CDH12: variants seen among roughly 807,000 people sequenced by gnomAD.
CDH12 encodes cadherin-12.
CDH12 carries 41 observed loss-of-function variants against 74.1 expected under a neutral mutation model. The observed-to-expected ratio is 0.55, with a 90% CI of 0.43 to 0.72. The LOEUF (loss-of-function observed/expected upper bound fraction) is 0.72. Ranked by LOEUF, CDH12 falls within the 30% of genes least tolerant of loss-of-function variation. CDH12 has a pLI of 0.00. For synonymous variants in CDH12, 399 were observed against 355.0 expected (o/e 1.12, Z -1.39); for missense variants, 945 against 977.2 (o/e 0.97, Z 0.44).
intron 3 of CDH12, among the ~76,000 whole-genome samples, chr5:22,330,305 T>A (rs1288003708): frequency 6.6e-6 from 1 of 152,034 alleles, no homozygotes; most frequent in Non-Finnish European, 1.5e-5. Context: ...TGGCAGGATA[T>A]TACCTGCTGA....
chr5:22,431,273 C>T (rs1744161459), intron 2 of CDH12, among the ~76,000 whole-genome samples: 1 of 152,062 alleles, frequency 6.6e-6, no homozygotes, highest in African/African-American at 2.4e-5. Context: ...ACAATGGATC[C>T]ATATAAAATG....
intron 1 of CDH12, among the ~76,000 whole-genome samples, chr5:22,605,213 C>A (rs1262819881): frequency 1.3e-5 from 2 of 152,168 alleles, no homozygotes; most frequent in African/African-American, 4.8e-5. Flanking sequence ...ACTGTGCACT[C>A]CGAGGCGTGG....
chr5:22,194,838 AAG>A (rs1486652219), intron 4 of CDH12, among the ~76,000 whole-genome samples: 2 of 152,218 alleles, frequency 1.3e-5, no homozygotes, highest in Non-Finnish European at 2.9e-5. Context: ...GTGATCTCCC[AAG>A]AGACATCAGC....
intron 3 of CDH12, among the ~76,000 whole-genome samples, chr5:22,282,424 C>T (rs894489929): frequency 6.6e-6 from 1 of 152,088 alleles, no homozygotes; most frequent in African/African-American, 2.4e-5. Flanking sequence ...AGCTTCTGCA[C>T]AGCAAAAGAA....
chr5:21,854,485 C>T (rs190888068), intron 7 of CDH12, among the ~76,000 whole-genome samples, 186 bp downstream of exon 7: 18 of 151,832 alleles, frequency 1.2e-4, no homozygotes. Context: ...GTTTATTTTA[C>T]ACAAAGTTCA....
chr5:22,828,583 A>T (rs1474810508), intron 1 of CDH12, among the ~76,000 whole-genome samples: 3 of 152,204 alleles, frequency 2.0e-5, no homozygotes, highest in African/African-American at 4.8e-5. Flanking sequence ...GTGGTGGAAA[A>T]GACCTAAGAA....
At chr5:22,182,966 T>C (rs917053279) in intron 4 of CDH12, among the ~76,000 whole-genome samples, 13 of 151,840 alleles carry the variant, frequency 8.6e-5, no homozygotes, top group African/African-American at 4.8e-5. Flanking sequence ...TGGAGAAGTT[T>C]AGAAGAATAA....
chr5:22,155,953 T>C (rs915403855), intron 4 of CDH12, among the ~76,000 whole-genome samples: 3 of 152,136 alleles, frequency 2.0e-5, no homozygotes, highest in Non-Finnish European at 2.9e-5. Context: ...CAGGGTCTTA[T>C]TACTCTGCTT....
chr5:22,610,236 G>C (rs1293472541), intron 1 of CDH12, among the ~76,000 whole-genome samples: 2 of 152,184 alleles, frequency 1.3e-5, no homozygotes, highest in African/African-American at 4.8e-5. Flanking sequence ...GATGGAAGGA[G>C]ACTAGGTTCT....
intron 1 of CDH12, among the ~76,000 whole-genome samples, chr5:22,542,516 A>G (rs1738151457): frequency 6.6e-6 from 1 of 152,290 alleles, no homozygotes; most frequent in Non-Finnish European, 1.5e-5. Flanking sequence ...ATTAATGATC[A>G]GTTTGTATTT....
At chr5:22,108,031 T>C (rs1744588171) in intron 4 of CDH12, among the ~76,000 whole-genome samples, 1 of 152,222 alleles carries the variant, frequency 6.6e-6, no homozygotes, top group African/African-American at 2.4e-5. Flanking sequence ...ATATAATTTT[T>C]GCAATTAAGA....
chr5:21,948,822 A>G (rs1755694979), intron 6 of CDH12, among the ~76,000 whole-genome samples: 1 of 152,192 alleles, frequency 6.6e-6, no homozygotes, highest in South Asian at 2.1e-4. Flanking sequence ...TGATTGGATC[A>G]TGTGGGCGGT....
intron 4 of CDH12, among the ~76,000 whole-genome samples, chr5:22,164,554 A>T (rs576760012): frequency 9.9e-5 from 15 of 152,174 alleles, no homozygotes; most frequent in South Asian, 4.1e-4. Context: ...GGACCAGAAG[A>T]GTGCAGTTGC....
chr5:22,040,924 C>T (rs902274036), intron 5 of CDH12, among the ~76,000 whole-genome samples: 1 of 151,904 alleles, frequency 6.6e-6, no homozygotes, highest in Non-Finnish European at 1.5e-5. Flanking sequence ...TGTTATAGTA[C>T]TATATAAATC....
intron 2 of CDH12, among the ~76,000 whole-genome samples, chr5:22,483,769 T>TATATATATATATATAAA (rs1554044195): frequency 8.4e-6 from 1 of 118,614 alleles, no homozygotes; most frequent in Non-Finnish European, 1.8e-5. Flanking sequence ...TATATAAATT[T>TATATATATATATATAAA]AATTAATTGG....
intron 11 of CDH12, chr5:21,779,115 G>C (rs183199275): frequency 2.8e-4 from 43 of 151,958 alleles, no homozygotes; most frequent in Non-Finnish European, 5.4e-4. Context: ...ACCAAGAAAA[G>C]CATTGTCTCT....
chr5:22,164,325 GT>G (rs1561179897), intron 4 of CDH12, among the ~76,000 whole-genome samples: 2 of 152,334 alleles, frequency 1.3e-5, no homozygotes, highest in South Asian at 4.1e-4. Context: ...AGTGAATAGT[GT>G]TCAGCTCAAT....
chr5:21,898,117 GAATA>G (rs1235180414), intron 6 of CDH12, among the ~76,000 whole-genome samples: 1 of 151,960 alleles, frequency 6.6e-6, no homozygotes, highest in Non-Finnish European at 1.5e-5. Context: ...GAAATCACCA[GAATA>G]AATAAAAAAC....
At chr5:22,784,320 A>G (rs967583002) in intron 1 of CDH12, among the ~76,000 whole-genome samples, 1 of 152,172 alleles carries the variant, frequency 6.6e-6, no homozygotes, top group South Asian at 2.1e-4. Context: ...TTGATAGAGT[A>G]AACCTCTGTC....
Sources: allele counts gnomAD v4.1 joint callset (sites outside exome capture counted in the v4.1 genomes callset), GRCh38; gene constraint gnomAD v4.1.1; transcripts MANE v1.5; gene names NCBI Gene and HGNC (gene_info 2026-07-23, HGNC 2026-07-21).